GNB5: variants seen among roughly 807,000 people sequenced by gnomAD.
GNB5 encodes the protein G protein subunit beta 5, also known as guanine nucleotide-binding protein subunit beta-5.
GNB5 carries 37 observed loss-of-function variants against 55.3 expected under a neutral mutation model. The ratio of observed to expected loss-of-function variants is 0.67; its 90% CI spans 0.51 to 0.88. The LOEUF is 0.88. GNB5 is among the 40% of genes least tolerant of loss of function. GNB5 has a pLI of 0.00. For missense variants in GNB5, 476 were observed against 515.3 expected (o/e 0.92, Z 0.74); for synonymous variants, 219 against 198.5 (o/e 1.10, Z -0.87).
chr15:52,160,709 T>G (rs1382276162), intron 3 of GNB5, among the ~76,000 whole-genome samples: 2 of 152,200 alleles, frequency 1.3e-5, no homozygotes, highest in African/African-American at 4.8e-5. Context: ...CCTCCACATA[T>G]GTGCACACAC....
chr15:52,179,588 G>T (rs573373495), intron 3 of GNB5, among the ~76,000 whole-genome samples, 180 bp downstream of exon 3: 25 of 151,670 alleles, frequency 1.6e-4, no homozygotes, highest in African/African-American at 6.0e-4. Context: ...CGCGTCCCGG[G>T]GATCGGGACC....
At chr15:52,165,751 G>A (rs1266715242) in intron 3 of GNB5, among the ~76,000 whole-genome samples, 1 of 151,342 alleles carries the variant, frequency 6.6e-6, no homozygotes, top group Non-Finnish European at 1.5e-5. Context: ...AAAAAAAACT[G>A]AAGTACAAGT....
At position 52,117,011 on chromosome 15, in the gene GNB5, C is replaced by T. The variant is rs1437000258; in HGVS notation, c.*5746G>A. The T allele has an allele frequency of 6.7e-6, 1 of 148,334 alleles. No homozygotes were observed. The highest frequency in any genetic ancestry group is 2.5e-5 in the African/African-American group (1 of 40,074). 9.2% of individuals were successfully genotyped at this position (148,334 alleles called of 1,614,324 possible). Reference sequence around the variant, plus strand: ...CCATCTCGGCTCACTGCAAGCTCTACCTCCTGGGTTCATGCCATTCTCCTG... The same window carrying T: ...CCATCTCGGCTCACTGCAAGCTCTATCTCCTGGGTTCATGCCATTCTCCTG... On this transcript the variant is annotated 3_prime_UTR_variant, in exon 13 of 13. Coordinates refer to ENST00000261837, the MANE Select transcript of GNB5 (RefSeq NM_016194.4).
At chr15:52,130,879 G>A (rs1257908915) in intron 9 of GNB5, among the ~76,000 whole-genome samples, 1 of 152,254 alleles carries the variant, frequency 6.6e-6, no homozygotes, top group Non-Finnish European at 1.5e-5. Context: ...AGGCTGGAGT[G>A]CAGTGGCACG....
chr15:52,162,004 G>A (rs748324248), intron 3 of GNB5, among the ~76,000 whole-genome samples: 8 of 152,112 alleles, frequency 5.3e-5, no homozygotes, highest in Non-Finnish European at 8.8e-5. Context: ...GGAGGGTGAC[G>A]GCCAGACAGG....
intron 3 of GNB5, among the ~76,000 whole-genome samples, chr15:52,159,253 A>G (rs1350940451): frequency 6.6e-6 from 1 of 152,120 alleles, no homozygotes; most frequent in Non-Finnish European, 1.5e-5. Flanking sequence ...GAAGAGTGGC[A>G]TGGTCGGATC....
intron 3 of GNB5, among the ~76,000 whole-genome samples, chr15:52,163,112 G>A (rs2034370264): frequency 6.6e-6 from 1 of 152,198 alleles, no homozygotes; most frequent in Admixed American, 6.5e-5. Context: ...GGCCAAGGGA[G>A]GCGGTGAGTG....
At chr15:52,129,636 T>C (rs1207079143) in intron 9 of GNB5, among the ~76,000 whole-genome samples, 1 of 152,214 alleles carries the variant, frequency 6.6e-6, no homozygotes, top group African/African-American at 2.4e-5. Flanking sequence ...CTTCTGCTGG[T>C]AGGAAGTTCA....
intron 2 of GNB5, among the ~76,000 whole-genome samples, chr15:52,181,565 G>A (rs550256770): frequency 1.3e-5 from 2 of 152,124 alleles, no homozygotes; most frequent in East Asian, 1.9e-4. Flanking sequence ...GCAGTGAGCC[G>A]AGATCGTGCC....
intron 3 of GNB5, among the ~76,000 whole-genome samples, chr15:52,169,481 T>C (rs1390959307): frequency 7.9e-6 from 1 of 127,160 alleles, no homozygotes; most frequent in African/African-American, 3.0e-5. Flanking sequence ...GAGGTTGCAG[T>C]GAGCAGAGAT....
chr15:52,138,962 A>G (rs2033789454), intron 7 of GNB5: 2 of 152,186 alleles, frequency 1.3e-5, no homozygotes, highest in African/African-American at 4.8e-5. Context: ...CCCCTAACTC[A>G]TTGTCACTCA....
chr15:52,160,142 T>G lies in GNB5; in HGVS notation c.239-6066A>C, dbSNP rs1365453717. ...TTTGTATTTTTAGTAGAGATGGGGT[T>G]GCACCATGTTGGCCAGGCCGGTCTC... On this transcript the variant is annotated intron_variant, in intron 3 of 12. Transcript: ENST00000261837. Among the ~76,000 whole-genome samples the G allele has an allele frequency of 2.6e-5, 4 of 152,070 alleles. No homozygotes were observed. The East Asian group carries it at 7.7e-4, about 29-fold the overall frequency.
chr15:52,179,830 C>G lies in GNB5; in HGVS notation c.176G>C (p.Ser59Thr). ...CTTGCCCTTGAGGCTCTCGGCCTCGCTCTTCAGCGACGCCAGCGTCTCGTT... is the reference window on the plus strand; with the variant it reads ...CTTGCCCTTGAGGCTCTCGGCCTCGGTCTTCAGCGACGCCAGCGTCTCGTT... ...HENETLASLK[S>T]EAESLKGKLE... Residue 59 changes from serine (S) to threonine (T), a missense_variant, in exon 3 of 13, where the codon AGC becomes ACC. Transcript: ENST00000261837. 6.4e-7 allele frequency: 1 copy of G among 1,555,410 alleles called. No individual in the cohort carries two copies. The highest frequency in any genetic ancestry group is 1.2e-5 in the South Asian group (1 of 85,346).
Position 52,147,546 on chromosome 15 carries a change from G to T in GNB5, c.418-11C>A. 6.8e-7 allele frequency: 1 copy of T among 1,478,974 alleles called. No individual in the cohort carries two copies. The highest frequency in any genetic ancestry group is 9.3e-7 in the Non-Finnish European group (1 of 1,080,594). The allele number at this position is 1,478,974 out of a possible 1,614,324, so 91.6% of individuals were successfully genotyped here. ...GGTGACCGCGTGCTCCTGAAACACAGCACAGAGTGAACAACTAGCACTTCC... is the reference window on the plus strand; with the variant it reads ...GGTGACCGCGTGCTCCTGAAACACATCACAGAGTGAACAACTAGCACTTCC... On this transcript the variant is annotated splice_polypyrimidine_tract_variant and intron_variant, in intron 5 of 12. Coordinates refer to ENST00000261837, the MANE Select transcript of GNB5 (RefSeq NM_016194.4).
At chr15:52,182,011 G>A (rs920591014) in intron 2 of GNB5, among the ~76,000 whole-genome samples, 5 of 152,136 alleles carry the variant, frequency 3.3e-5, no homozygotes, top group African/African-American at 4.8e-5. Flanking sequence ...AAAGCAAAAG[G>A]TTAAGAGCAC....
intron 7 of GNB5, chr15:52,137,829 TCTCCCTGCCTTCTGGCTG>T: frequency 7.8e-7 from 1 of 1,281,742 alleles, no homozygotes; most frequent in Non-Finnish European, 1.0e-6. Flanking sequence ...AGGGAGAAGC[TCTCCCTGCCTTCTGGCTG>T]CTCCACAGGG....
At position 52,149,852 on chromosome 15, in the gene GNB5, C is replaced by CGTAG. The variant is rs750714996; in HGVS notation, c.417+31_417+32insCTAC. Reference sequence around the variant, plus strand: ...CTTTAAGTAGGCTGGGATTCTGAAGCCTCTATAACGTGGCTGGGAACAATG... The same window carrying CGTAG: ...CTTTAAGTAGGCTGGGATTCTGAAGCGTAGCTCTATAACGTGGCTGGGAACAATG... On this transcript the variant is annotated intron_variant, in intron 5 of 12. Coordinates refer to ENST00000261837, the MANE Select transcript of GNB5 (RefSeq NM_016194.4). The CGTAG allele has an allele frequency of 7.2e-5, 112 of 1,551,290 alleles. No individual in the cohort carries two copies. The South Asian group carries it at 1.2e-3, about 17-fold the overall frequency.
intron 3 of GNB5, among the ~76,000 whole-genome samples, chr15:52,159,715 A>G (rs1307396758): frequency 6.6e-6 from 1 of 152,196 alleles, no homozygotes; most frequent in African/African-American, 2.4e-5. Flanking sequence ...AGAGTAAGAC[A>G]GTCTCTGCTC....
intron 9 of GNB5, chr15:52,128,803 A>G (rs2414135): frequency 0.22 from 100,680 of 452,428 alleles, 16,160 homozygotes; most frequent in African/African-American, 0.61. Flanking sequence ...AATAAATGAT[A>G]ATTATTACTG....
Sources: gnomAD v4.1 joint callset for allele counts (sites outside exome capture counted in the v4.1 genomes callset) on GRCh38, gnomAD v4.1.1 for gene constraint, MANE v1.5 for transcripts, NCBI Gene and HGNC (gene_info 2026-07-23, HGNC 2026-07-21) for gene names.